KCNMB2: variants seen among roughly 807,000 people sequenced by gnomAD.
The protein encoded by KCNMB2 is potassium calcium-activated channel subfamily M regulatory beta subunit 2, also known as calcium-activated potassium channel subunit beta-2.
Under a neutral mutation model 24.5 loss-of-function variants are expected in KCNMB2, and 9 were observed. That is an observed-to-expected ratio of 0.37 (90% CI 0.22 to 0.64). The LOEUF is 0.64. KCNMB2 is among the 30% of genes least tolerant of loss of function. The pLI, the probability that KCNMB2 is intolerant of heterozygous loss-of-function variation, is 0.63. For synonymous variants in KCNMB2, 109 were observed against 104.4 expected, an observed-to-expected ratio of 1.04 and a Z score of -0.27; for missense variants, 226 against 284.3, an observed-to-expected ratio of 0.79 and a Z score of 1.47.
intron 1 of KCNMB2, among the ~76,000 whole-genome samples, chr3:178,801,313 C>T (rs1297635712): frequency 6.6e-6 from 1 of 152,010 alleles, no homozygotes; most frequent in Admixed American, 6.6e-5. Context: ...ATATGCTATA[C>T]TATGCACCCA....
intron 1 of KCNMB2, among the ~76,000 whole-genome samples, chr3:178,721,304 T>C (rs1256498438): frequency 6.6e-6 from 1 of 152,238 alleles, no homozygotes; most frequent in Non-Finnish European, 1.5e-5. Context: ...GCGTTATTTC[T>C]GAGGGCTCTG....
intron 1 of KCNMB2, among the ~76,000 whole-genome samples, chr3:178,747,316 G>C (rs1434364064): frequency 6.6e-6 from 1 of 152,130 alleles, no homozygotes; most frequent in Non-Finnish European, 1.5e-5. Context: ...AACAGCATGG[G>C]AAAGACATGC....
At chr3:178,590,218 A>C (rs1042244154) in intron 1 of KCNMB2, among the ~76,000 whole-genome samples, 3 of 152,168 alleles carry the variant, frequency 2.0e-5, no homozygotes, top group African/African-American at 7.2e-5. Context: ...GGTCATAGTG[A>C]CAAATATTCA....
At chr3:178,610,434 G>T (rs1718441622) in intron 1 of KCNMB2, among the ~76,000 whole-genome samples, 1 of 151,848 alleles carries the variant, frequency 6.6e-6, no homozygotes, top group Admixed American at 6.6e-5. Context: ...TCCTTAATCA[G>T]CGTTTTACAG....
chr3:178,798,328 AG>A (rs968182075), intron 1 of KCNMB2, among the ~76,000 whole-genome samples: 5 of 152,084 alleles, frequency 3.3e-5, no homozygotes, highest in Admixed American at 3.3e-4. Flanking sequence ...TAGTTTATTA[AG>A]AGTTATTAAG....
intron 1 of KCNMB2, among the ~76,000 whole-genome samples, chr3:178,594,001 T>C (rs1001274540): frequency 2.6e-5 from 4 of 151,454 alleles, no homozygotes; most frequent in African/African-American, 4.9e-5. Context: ...AGCCATCACT[T>C]TGAAAATGCT....
chr3:178,794,865 G>A (rs1713473815), intron 1 of KCNMB2, among the ~76,000 whole-genome samples: 1 of 152,120 alleles, frequency 6.6e-6, no homozygotes, highest in African/African-American at 2.4e-5. Flanking sequence ...AAGGCCAAGG[G>A]GACAAATGAG....
At chr3:178,562,154 T>C (rs992946570) in intron 1 of KCNMB2, among the ~76,000 whole-genome samples, 1 of 152,250 alleles carries the variant, frequency 6.6e-6, no homozygotes, top group African/African-American at 2.4e-5. Context: ...TGTGTTATCT[T>C]CATTAATGAA....
chr3:178,678,236 A>T (rs977717698), intron 1 of KCNMB2, among the ~76,000 whole-genome samples: 1 of 152,158 alleles, frequency 6.6e-6, no homozygotes, highest in African/African-American at 2.4e-5. Flanking sequence ...AAAAAACAAA[A>T]ATGGAAACTG....
At chr3:178,582,332 G>C (rs560204153) in intron 1 of KCNMB2, among the ~76,000 whole-genome samples, 17 of 152,248 alleles carry the variant, frequency 1.1e-4, no homozygotes, top group African/African-American at 4.1e-4. Flanking sequence ...TTGACACAGG[G>C]AGAGAACATC....
At chr3:178,807,647 C>T (rs922256811) in intron 2 of KCNMB2, among the ~76,000 whole-genome samples, 182 bp downstream of exon 2, 2 of 152,118 alleles carry the variant, frequency 1.3e-5, no homozygotes, top group Non-Finnish European at 2.9e-5. Flanking sequence ...TTTACATGTT[C>T]GCTTTCAGCA....
At chr3:178,758,255 TCTCCAAGGGG>T (rs1391887950) in intron 1 of KCNMB2, among the ~76,000 whole-genome samples, 6 of 31,654 alleles carry the variant, frequency 1.9e-4, no homozygotes, top group East Asian at 9.4e-4. Context: ...TATATATATA[TCTCCAAGGGG>T]ATATATATAT....
chr3:178,729,062 C>T (rs767548091), intron 1 of KCNMB2, among the ~76,000 whole-genome samples: 8 of 151,978 alleles, frequency 5.3e-5, no homozygotes, highest in Admixed American at 3.3e-4. Flanking sequence ...GGAAGTTACC[C>T]GTGTGATACC....
chr3:178,756,235 GGTGT>G (rs140203491), intron 1 of KCNMB2, among the ~76,000 whole-genome samples: 31 of 149,018 alleles, frequency 2.1e-4, no homozygotes, highest in African/African-American at 4.9e-4. Context: ...TGTGGGTGTG[GGTGT>G]GTGTGTGTGT....
At chr3:178,616,445 A>G (rs182713389) in intron 1 of KCNMB2, among the ~76,000 whole-genome samples, 1 of 152,308 alleles carries the variant, frequency 6.6e-6, no homozygotes, top group East Asian at 1.9e-4. Flanking sequence ...CTTCTGGTCT[A>G]ACAGGATAGT....
intron 4 of KCNMB2, among the ~76,000 whole-genome samples, chr3:178,836,522 A>T (rs1025441225): frequency 1.2e-4 from 18 of 152,150 alleles, no homozygotes; most frequent in Admixed American, 3.3e-4. Flanking sequence ...CAAGAATCTA[A>T]GGATTGGGAA....
chr3:178,837,453 C>G (rs896378334), intron 4 of KCNMB2, among the ~76,000 whole-genome samples: 17 of 152,132 alleles, frequency 1.1e-4, no homozygotes, highest in Admixed American at 9.2e-4. Flanking sequence ...GCTTGTTATA[C>G]TACTCATATA....
At chr3:178,622,903 A>C (rs1401595225) in intron 1 of KCNMB2, among the ~76,000 whole-genome samples, 1 of 152,198 alleles carries the variant, frequency 6.6e-6, no homozygotes, top group East Asian at 1.9e-4. Flanking sequence ...AAAGGAGTTA[A>C]CTAAGTTTCA....
intron 1 of KCNMB2, among the ~76,000 whole-genome samples, chr3:178,656,899 G>A (rs1720364727): frequency 6.6e-6 from 1 of 152,180 alleles, no homozygotes; most frequent in Non-Finnish European, 1.5e-5. Flanking sequence ...GTAGGGGGGT[G>A]GTAAAGGAGA....
Sources: allele counts gnomAD v4.1 joint callset (sites outside exome capture counted in the v4.1 genomes callset), GRCh38; gene constraint gnomAD v4.1.1; transcripts MANE v1.5; gene names NCBI Gene and HGNC (gene_info 2026-07-23, HGNC 2026-07-21).